Variants in CDH9 observed in about 807,000 individuals in gnomAD.
CDH9 encodes the protein cadherin 9, also known as cadherin-9.
Under a neutral mutation model 70.9 loss-of-function variants are expected in CDH9, and 28 were observed. That is an observed-to-expected ratio of 0.40 (90% CI 0.29 to 0.54). The LOEUF is 0.54. CDH9 is among the 20% of genes least tolerant of loss of function. CDH9 has a pLI of 0.59. For missense variants in CDH9, 874 were observed against 984.4 expected (o/e 0.89, Z 1.50); for synonymous variants, 409 against 343.1 (o/e 1.19, Z -2.12).
At chr5:26,979,120 T>C (rs1742354061) in intron 2 of CDH9, among the ~76,000 whole-genome samples, 1 of 151,574 alleles carries the variant, frequency 6.6e-6, no homozygotes, top group African/African-American at 2.4e-5. Context: ...TCTTTATTTC[T>C]AAAAGTTTTA....
At chr5:27,023,903 T>G (rs1481623189) in intron 1 of CDH9, among the ~76,000 whole-genome samples, 1 of 151,468 alleles carries the variant, frequency 6.6e-6, no homozygotes, top group Non-Finnish European at 1.5e-5. Context: ...AATACAACAC[T>G]TAGCTGGGCA....
At chr5:26,976,376 C>T (rs1247900651) in intron 2 of CDH9, among the ~76,000 whole-genome samples, 2 of 152,072 alleles carry the variant, frequency 1.3e-5, no homozygotes, top group African/African-American at 2.4e-5. Context: ...TGTTAAGTTA[C>T]CAAAAATACA....
At chr5:26,951,038 A>T (rs2112046688) in intron 2 of CDH9, among the ~76,000 whole-genome samples, 1 of 152,214 alleles carries the variant, frequency 6.6e-6, no homozygotes, top group Non-Finnish European at 1.5e-5. Context: ...TCGCGCCTGT[A>T]ATCCCAGCAC....
chr5:26,911,042 A>G lies in CDH9; in HGVS notation c.524-4204T>C, dbSNP rs111638962. 7.7e-3 allele frequency among the ~76,000 whole-genome samples: 1,171 copies of G among 152,304 alleles called. 16 individuals carry two copies. Among genetic ancestry groups the G allele is most frequent in the African/African-American group, 0.027 (1,120 of 41,566 alleles). On this transcript the variant is annotated intron_variant, in intron 3 of 11. Transcript: ENST00000231021. ...ATAAGTTTATTTTACTGTGAAATGC[A>G]AACTCTTTAAGGGCAGAGTCCATAT...
At chr5:26,882,997 T>A (rs543777513) in intron 11 of CDH9, among the ~76,000 whole-genome samples, 13 of 134,610 alleles carry the variant, frequency 9.7e-5, no homozygotes, top group African/African-American at 3.6e-4. Flanking sequence ...GTAGTTAGCC[T>A]TCACAGAATG....
chr5:26,932,050 A>G (rs1183678572), intron 2 of CDH9, among the ~76,000 whole-genome samples: 1 of 152,154 alleles, frequency 6.6e-6, no homozygotes, highest in Non-Finnish European at 1.5e-5. Flanking sequence ...TAGATAAAAT[A>G]TTTGTATTTT....
intron 1 of CDH9, among the ~76,000 whole-genome samples, chr5:27,023,384 T>G (rs1046955491): frequency 6.6e-6 from 1 of 152,104 alleles, no homozygotes; most frequent in African/African-American, 2.4e-5. Flanking sequence ...GTGAATTCAA[T>G]GGTACTCATT....
At chr5:26,979,452 AT>A (rs78536430) in intron 2 of CDH9, among the ~76,000 whole-genome samples, 71,666 of 151,400 alleles carry the variant, frequency 0.47, 17,773 homozygotes, top group African/African-American at 0.52. Context: ...ATAGAAAAAA[AT>A]TAAAAAAACA....
At chr5:26,902,032 T>A (rs1401342761) in intron 7 of CDH9, among the ~76,000 whole-genome samples, 1 of 151,904 alleles carries the variant, frequency 6.6e-6, no homozygotes, top group Non-Finnish European at 1.5e-5. Context: ...ATTTAGTTCC[T>A]TATTAATTTG....
Position 27,001,349 on chromosome 5 carries a change from C to T in CDH9, c.-49-12967G>A, listed in dbSNP as rs193247209. 2.6e-4 allele frequency among the ~76,000 whole-genome samples: 39 copies of T among 152,014 alleles called. No homozygotes were observed. The South Asian group carries it at 4.8e-3, about 19-fold the overall frequency. On this transcript the variant is annotated intron_variant, in intron 1 of 11. Coordinates refer to ENST00000231021, the MANE Select transcript of CDH9 (RefSeq NM_016279.4). Reference sequence around the variant, plus strand: ...GACTCTAGTTAATAAAGTTGTTTTCCGCAAGGGTATGTTTTGACAATTCTC... The same window carrying T: ...GACTCTAGTTAATAAAGTTGTTTTCTGCAAGGGTATGTTTTGACAATTCTC...
chr5:26,941,305 G>A (rs575201423), intron 2 of CDH9, among the ~76,000 whole-genome samples: 75 of 152,258 alleles, frequency 4.9e-4, no homozygotes, highest in African/African-American at 1.8e-3. Flanking sequence ...TGTCATCAAC[G>A]GTAATTTACT....
chr5:26,949,217 G>A (rs1216553518), intron 2 of CDH9, among the ~76,000 whole-genome samples: 6 of 152,112 alleles, frequency 3.9e-5, no homozygotes, highest in South Asian at 2.1e-4. Context: ...ACCAAGCAAC[G>A]AGGTTTGTCT....
At chr5:26,971,667 A>T (rs570426478) in intron 2 of CDH9, among the ~76,000 whole-genome samples, 5 of 152,300 alleles carry the variant, frequency 3.3e-5, no homozygotes, top group African/African-American at 1.2e-4. Flanking sequence ...GTTTCTGTGC[A>T]TGTGTGTGTA....
At chr5:26,925,737 G>A (rs1018345618) in intron 2 of CDH9, among the ~76,000 whole-genome samples, 18 of 152,184 alleles carry the variant, frequency 1.2e-4, no homozygotes, top group African/African-American at 3.4e-4. Context: ...TAAGGTGTAA[G>A]GAAGGGATCC....
chr5:26,986,124 G>C (rs1172859074), intron 2 of CDH9, among the ~76,000 whole-genome samples: 1 of 151,896 alleles, frequency 6.6e-6, no homozygotes, highest in Non-Finnish European at 1.5e-5. Context: ...TTGCTGAGGT[G>C]TCTATTTCAT....
chr5:26,882,082 T>C (rs935817158), intron 11 of CDH9, among the ~76,000 whole-genome samples: 1 of 152,114 alleles, frequency 6.6e-6, no homozygotes, highest in African/African-American at 2.4e-5. Flanking sequence ...TATACTTGTA[T>C]ATGCATTATA....
intron 2 of CDH9, among the ~76,000 whole-genome samples, chr5:26,938,482 T>C (rs1741600195): frequency 6.6e-6 from 1 of 152,030 alleles, no homozygotes; most frequent in Admixed American, 6.6e-5. Context: ...AGAAAAGCTA[T>C]AGTTAAGTAA....
chr5:26,917,888 G>A (rs6866141), intron 2 of CDH9, among the ~76,000 whole-genome samples: 87,476 of 151,880 alleles, frequency 0.58, 25,821 homozygotes, highest in East Asian at 0.81. Context: ...TTTAAGAACT[G>A]TAAACCTGAA....
intron 3 of CDH9, among the ~76,000 whole-genome samples, chr5:26,909,230 G>A (rs752098656): frequency 7.2e-5 from 11 of 152,012 alleles, no homozygotes; most frequent in African/African-American, 1.7e-4. Context: ...ATGATCGCCC[G>A]CCTTGGCCTC....
Sources: gnomAD v4.1 joint callset for allele counts (sites outside exome capture counted in the v4.1 genomes callset) on GRCh38, gnomAD v4.1.1 for gene constraint, MANE v1.5 for transcripts, NCBI Gene and HGNC (gene_info 2026-07-23, HGNC 2026-07-21) for gene names.